Variants in SLC17A8 observed in about 807,000 individuals in gnomAD.
SLC17A8 encodes vesicular glutamate transporter 3.
SLC17A8 carries 31 observed loss-of-function variants against 58.0 expected under a neutral mutation model. The observed-to-expected ratio is 0.53, with a 90% CI of 0.40 to 0.72. SLC17A8 has a LOEUF of 0.72. Ranked by LOEUF, SLC17A8 falls within the 30% of genes least tolerant of loss-of-function variation. The pLI, the probability that SLC17A8 is intolerant of heterozygous loss-of-function variation, is 0.00. For missense variants in SLC17A8, 655 were observed against 727.8 expected (o/e 0.90, Z 1.15); for synonymous variants, 228 against 249.0 (o/e 0.92, Z 0.79).
intron 10 of SLC17A8, among the ~76,000 whole-genome samples, chr12:100,413,538 C>T (rs184725666): frequency 2.6e-5 from 4 of 152,212 alleles, no homozygotes; most frequent in East Asian, 3.9e-4. Context: ...AGTGCTATTA[C>T]GATCCCCATT....
chr12:100,381,391 T>A (rs1256555952), intron 2 of SLC17A8, among the ~76,000 whole-genome samples: 1 of 151,730 alleles, frequency 6.6e-6, no homozygotes, highest in Non-Finnish European at 1.5e-5. Flanking sequence ...TTTGAGGGGG[T>A]AGGTGCCACG....
chr12:100,420,028 T>A lies in SLC17A8; in HGVS notation c.1639T>A (p.Ser547Thr), dbSNP rs1300940120. 1.2e-6 allele frequency: 2 copies of A among 1,614,034 alleles called. No individual in the cohort carries two copies. The highest frequency in any genetic ancestry group is 1.7e-6 in the Non-Finnish European group (2 of 1,179,976). Residue 547 changes from serine (S) to threonine (T), a missense_variant, in exon 12 of 12, where the codon TCT becomes ACT. Physicochemically the swap from Ser to Thr is moderately conservative, Grantham distance 58. Coordinates refer to ENST00000323346, the MANE Select transcript of SLC17A8 (RefSeq NM_139319.3). ...TTTTGCGAGTCCCAAAAAGAAGATG[T>A]CTTATGGAGCCACCTCCCAGAATTG... ...ESFASPKKKM[S>T]YGATSQNCEV...
chr12:100,363,953 G>A (rs1236538631), intron 1 of SLC17A8, among the ~76,000 whole-genome samples: 1 of 143,186 alleles, frequency 7.0e-6, no homozygotes, highest in Non-Finnish European at 1.5e-5. Context: ...TGAGGCAGGA[G>A]AATTGCTTGA....
chr12:100,376,687 G>A (rs1288046963), intron 1 of SLC17A8, among the ~76,000 whole-genome samples: 1 of 152,240 alleles, frequency 6.6e-6, no homozygotes, highest in Non-Finnish European at 1.5e-5. Context: ...GAGGAGGGCA[G>A]AGGGAGAGAA....
chr12:100,374,428 A>C (rs1952579944), intron 1 of SLC17A8, among the ~76,000 whole-genome samples: 1 of 152,128 alleles, frequency 6.6e-6, no homozygotes, highest in Admixed American at 6.5e-5. Flanking sequence ...CCTGGCCAAC[A>C]CGCTGAAACC....
chr12:100,380,210 A>AC, intron 1 of SLC17A8, among the ~76,000 whole-genome samples: 4 of 151,812 alleles, frequency 2.6e-5, no homozygotes, highest in African/African-American at 9.7e-5. Flanking sequence ...CCGTCTCAAA[A>AC]AAAAAAAAAA....
At position 100,357,502 on chromosome 12, in the gene SLC17A8, G is replaced by T; in HGVS notation, c.101+10G>T. The T allele has an allele frequency of 6.4e-7, 1 of 1,555,628 alleles. No individual in the cohort carries two copies. The highest frequency in any genetic ancestry group is 1.1e-5 in the South Asian group (1 of 89,926). On this transcript the variant is annotated intron_variant, in intron 1 of 11. Coordinates refer to ENST00000323346, the MANE Select transcript of SLC17A8 (RefSeq NM_139319.3). Reference sequence around the variant, plus strand: ...TGGGAATTTTACAAAGGTAAAGTTTGAATGCGAACTTTAGTTCCTTTCTGA... The same window carrying T: ...TGGGAATTTTACAAAGGTAAAGTTTTAATGCGAACTTTAGTTCCTTTCTGA...
chr12:100,382,123 T>C (rs1952641953), intron 2 of SLC17A8, among the ~76,000 whole-genome samples: 1 of 152,148 alleles, frequency 6.6e-6, no homozygotes, highest in South Asian at 2.1e-4. Context: ...TCCCAGTGAT[T>C]GGGTAGAGCA....
chr12:100,360,200 A>G (rs1269414665), intron 1 of SLC17A8, among the ~76,000 whole-genome samples: 1 of 152,222 alleles, frequency 6.6e-6, no homozygotes, highest in Non-Finnish European at 1.5e-5. Context: ...AGGAAGAAAG[A>G]AGATGCACTC....
At position 100,402,610 on chromosome 12, in the gene SLC17A8, A is replaced by G. The variant is rs1392994651; in HGVS notation, c.918A>G (p.Pro306=). The stretch of plus-strand genomic sequence containing the variant: ...TTACTCCCTAGAAATTTAGTACCCC[A>G]TGGAAAAGATTTTTCACATCTTTGC... ...NVVSLSKFST[P]WKRFFTSLPV... The change falls in exon 8 of 12, where the codon CCA becomes CCG. Residue 306 remains proline (P), a synonymous_variant. Coordinates refer to ENST00000323346, the MANE Select transcript of SLC17A8 (RefSeq NM_139319.3). 1.9e-6 allele frequency: 3 copies of G among 1,613,884 alleles called. No homozygotes were observed. In the African/African-American group the frequency reaches 4.0e-5, roughly 22 times the overall value.
intron 1 of SLC17A8, among the ~76,000 whole-genome samples, chr12:100,362,938 G>A (rs1952494119): frequency 6.6e-6 from 1 of 151,990 alleles, no homozygotes; most frequent in Non-Finnish European, 1.5e-5. Context: ...TTTGCCCACT[G>A]ACAGTTAAAA....
intron 1 of SLC17A8, among the ~76,000 whole-genome samples, chr12:100,365,913 G>T (rs1952517307): frequency 6.6e-6 from 1 of 152,174 alleles, no homozygotes; most frequent in Non-Finnish European, 1.5e-5. Flanking sequence ...GATATATACT[G>T]TCATTCATCT....
At chr12:100,399,699 C>A (rs1952778297) in intron 5 of SLC17A8, among the ~76,000 whole-genome samples, 1 of 152,144 alleles carries the variant, frequency 6.6e-6, no homozygotes, top group Non-Finnish European at 1.5e-5. Flanking sequence ...CCCCATGACC[C>A]AGTCACCTCC....
At chr12:100,401,346 T>C (rs1306942657) in intron 5 of SLC17A8, among the ~76,000 whole-genome samples, 3 of 152,022 alleles carry the variant, frequency 2.0e-5, no homozygotes, top group Non-Finnish European at 2.9e-5. Context: ...TCATGATCTT[T>C]TAAATAATTC....
intron 1 of SLC17A8, among the ~76,000 whole-genome samples, chr12:100,359,385 T>C (rs1225828482): frequency 6.6e-6 from 1 of 152,186 alleles, no homozygotes; most frequent in African/African-American, 2.4e-5. Flanking sequence ...GTTTACAAAA[T>C]TGATTTGCTT....
intron 2 of SLC17A8, 142 bp from the exon 3 acceptor site, chr12:100,390,859 G>A (rs1952710677): frequency 1.4e-6 from 1 of 702,926 alleles, no homozygotes; most frequent in Non-Finnish European, 2.6e-6. Flanking sequence ...CCCCAAGTAT[G>A]TAAGATGCCC....
At chr12:100,366,240 C>CT (rs1952520570) in intron 1 of SLC17A8, among the ~76,000 whole-genome samples, 2 of 152,126 alleles carry the variant, frequency 1.3e-5, no homozygotes, top group South Asian at 4.2e-4. Context: ...TTCCATTTGA[C>CT]TTTTTTCTAT....
At chr12:100,388,171 C>A (rs1952689690) in intron 2 of SLC17A8, among the ~76,000 whole-genome samples, 2 of 152,128 alleles carry the variant, frequency 1.3e-5, no homozygotes, top group African/African-American at 4.8e-5. Flanking sequence ...TGACTTGCTC[C>A]CTTCCTTTCT....
At chr12:100,391,214 A>G (rs1316674718) in intron 3 of SLC17A8, 95 bp downstream of exon 3, 2 of 855,652 alleles carry the variant, frequency 2.3e-6, no homozygotes, top group Non-Finnish European at 4.0e-6. Flanking sequence ...GGGGTGCAGA[A>G]TGAAAAACAG....
Sources: gnomAD v4.1 joint callset for allele counts (sites outside exome capture counted in the v4.1 genomes callset) on GRCh38, gnomAD v4.1.1 for gene constraint, MANE v1.5 for transcripts, NCBI Gene and HGNC (gene_info 2026-07-23, HGNC 2026-07-21) for gene names.